ANKS1B: variants seen among roughly 807,000 people sequenced by gnomAD.
ANKS1B encodes the protein ankyrin repeat and sterile alpha motif domain containing 1B.
In ANKS1B, 36 loss-of-function variants were observed where a neutral mutation model predicts 148.3. That is an observed-to-expected ratio of 0.24 (90% confidence interval 0.19 to 0.32). ANKS1B has a LOEUF of 0.32. Ranked by LOEUF, ANKS1B falls within the 10% of genes least tolerant of loss-of-function variation. ANKS1B has a pLI of 1.00. For synonymous variants in ANKS1B, 542 were observed against 560.8 expected (o/e 0.97, Z 0.47); for missense variants, 1,157 against 1,542.6 (o/e 0.75, Z 4.19).
intron 1 of ANKS1B, among the ~76,000 whole-genome samples, chr12:99,975,700 T>A (rs114165809): frequency 6.6e-6 from 1 of 152,328 alleles, no homozygotes; most frequent in African/African-American, 2.4e-5. Flanking sequence ...AAGTTCCCTA[T>A]AGCTTCTGGA....
chr12:98,794,390 C>T (rs797018702), intron 22 of ANKS1B: 1,768 of 141,724 alleles, frequency 0.012, 15 homozygotes, highest in Middle Eastern at 0.024. Flanking sequence ...GAAACTCTGT[C>T]TCAAAAAAAA....
chr12:99,040,039 T>G (rs1762894289), intron 17 of ANKS1B, among the ~76,000 whole-genome samples: 1 of 152,132 alleles, frequency 6.6e-6, no homozygotes, highest in African/African-American at 2.4e-5. Flanking sequence ...TCTCTATTTT[T>G]GGGGGGACTG....
chr12:99,483,091 A>G (rs1038078510), intron 10 of ANKS1B, among the ~76,000 whole-genome samples: 2 of 143,344 alleles, frequency 1.4e-5, no homozygotes, highest in African/African-American at 5.2e-5. Flanking sequence ...CGGTGGGGGG[A>G]ATGCTTTCAA....
At chr12:99,469,319 T>C (rs1281563951) in intron 10 of ANKS1B, among the ~76,000 whole-genome samples, 2 of 147,356 alleles carry the variant, frequency 1.4e-5, no homozygotes, top group African/African-American at 5.0e-5. Context: ...AGGGATAGCA[T>C]TGGGAGATAT....
At chr12:98,950,640 C>A (rs986260447) in intron 17 of ANKS1B, among the ~76,000 whole-genome samples, 2 of 152,228 alleles carry the variant, frequency 1.3e-5, no homozygotes, top group South Asian at 2.1e-4. Context: ...GTCCTGCCCC[C>A]CAAAAGTCTG....
chr12:99,942,376 A>G (rs944004789), intron 1 of ANKS1B, among the ~76,000 whole-genome samples: 6 of 152,188 alleles, frequency 3.9e-5, no homozygotes, highest in African/African-American at 1.4e-4. Context: ...AGAGCAGCAG[A>G]GTGATAAGGG....
At chr12:99,099,674 G>A (rs190487946) in intron 15 of ANKS1B, 11 of 152,146 alleles carry the variant, frequency 7.2e-5, no homozygotes, top group Non-Finnish European at 1.3e-4. Context: ...GGGGAATTTG[G>A]TATTCCTTCA....
In ANKS1B at chr12:99,172,508, G is replaced by A. The variant is rs185892256; in HGVS notation, c.2420-18113C>T. ...GCAGAGGGGCCTCCAAATATTCTTA[G>A]TTTCCTAGAACAAAGTAAGCCCTGG... On this transcript the variant is annotated intron_variant, in intron 14 of 26. Transcript: ENST00000683438. Among the ~76,000 whole-genome samples, 15 of 152,248 alleles carry A rather than the reference G, an allele frequency of 9.9e-5. No individual in the cohort carries two copies. The East Asian group carries it at 2.7e-3, about 28-fold the overall frequency.
intron 9 of ANKS1B, among the ~76,000 whole-genome samples, chr12:99,577,541 G>A (rs1298888453): frequency 6.6e-6 from 1 of 151,190 alleles, no homozygotes; most frequent in Non-Finnish European, 1.5e-5. Flanking sequence ...ATGACAAAAG[G>A]GATATTACCA....
chr12:99,248,349 A>G lies in ANKS1B; in HGVS notation c.1757-1485T>C, dbSNP rs1844968. On this transcript the variant is annotated intron_variant, in intron 12 of 26. Transcript: ENST00000683438. Reference sequence around the variant, plus strand: ...ACCCTGGTTCCTGCTTGATTTTTCCAAAGAGAAGATGTTTGCCTGCCCAGC... The same window carrying G: ...ACCCTGGTTCCTGCTTGATTTTTCCGAAGAGAAGATGTTTGCCTGCCCAGC... 2.4e-3 allele frequency among the ~76,000 whole-genome samples: 362 copies of G among 152,240 alleles called. 2 individuals carry two copies. The highest frequency in any genetic ancestry group is 6.5e-3 in the Admixed American group (100 of 15,284).
At chr12:99,209,914 A>G (rs1452545740) in intron 14 of ANKS1B, among the ~76,000 whole-genome samples, 2 of 150,666 alleles carry the variant, frequency 1.3e-5, no homozygotes, top group South Asian at 2.1e-4. Flanking sequence ...CCCCAAGATA[A>G]CCTCCCCTCT....
intron 10 of ANKS1B, among the ~76,000 whole-genome samples, chr12:99,480,970 T>C (rs2096400726): frequency 6.6e-6 from 1 of 151,700 alleles, no homozygotes; most frequent in South Asian, 2.1e-4. Context: ...TATTTAATTT[T>C]GATTCAGGCA....
chr12:99,540,888 T>C (rs2153121139), intron 9 of ANKS1B, among the ~76,000 whole-genome samples: 1 of 149,932 alleles, frequency 6.7e-6, no homozygotes, highest in South Asian at 2.1e-4. Context: ...AAATTTCAGG[T>C]AGACTGAACA....
intron 9 of ANKS1B, among the ~76,000 whole-genome samples, chr12:99,568,020 T>C (rs773246160): frequency 6.6e-6 from 1 of 152,168 alleles, no homozygotes; most frequent in Non-Finnish European, 1.5e-5. Flanking sequence ...AATCCAGTGG[T>C]TAAATGAGAT....
intron 8 of ANKS1B, among the ~76,000 whole-genome samples, chr12:99,692,834 G>A (rs555936395): frequency 3.3e-5 from 5 of 152,212 alleles, no homozygotes; most frequent in South Asian, 2.1e-4. Flanking sequence ...GTTCTACTTC[G>A]GATAAGTTGT....
intron 11 of ANKS1B, among the ~76,000 whole-genome samples, chr12:99,407,178 T>C (rs2094550640): frequency 6.9e-6 from 1 of 145,876 alleles, no homozygotes; most frequent in African/African-American, 2.6e-5. Flanking sequence ...AGGCCATTCA[T>C]TATGATGAAG....
intron 17 of ANKS1B, among the ~76,000 whole-genome samples, chr12:98,848,387 A>T (rs533353651): frequency 3.9e-5 from 6 of 152,324 alleles, no homozygotes; most frequent in East Asian, 3.9e-4. Context: ...AATAAACATA[A>T]TATTATTCAC....
intron 17 of ANKS1B, among the ~76,000 whole-genome samples, chr12:98,946,419 C>A (rs990691086): frequency 1.3e-5 from 2 of 152,126 alleles, no homozygotes; most frequent in African/African-American, 4.8e-5. Context: ...ATTCATTCAA[C>A]AAATAATTAC....
At chr12:99,228,685 C>A (rs1258327242) in intron 14 of ANKS1B, among the ~76,000 whole-genome samples, 1 of 151,882 alleles carries the variant, frequency 6.6e-6, no homozygotes, top group African/African-American at 2.4e-5. Flanking sequence ...ATACATACAA[C>A]AAGAACATAA....
Sources: allele counts gnomAD v4.1 joint callset (sites outside exome capture counted in the v4.1 genomes callset), GRCh38; gene constraint gnomAD v4.1.1; transcripts MANE v1.5; gene names NCBI Gene and HGNC (gene_info 2026-07-23, HGNC 2026-07-21).